Variants in HTT observed in about 807,000 individuals in gnomAD.
The protein encoded by HTT is huntington disease protein.
In HTT, 104 loss-of-function variants were observed where a neutral mutation model predicts 362.3. The ratio of observed to expected loss-of-function variants is 0.29; its 90% CI spans 0.24 to 0.34. The LOEUF is 0.34. Ranked by LOEUF, HTT falls within the 10% of genes least tolerant of loss-of-function variation. The pLI is 1.00. For synonymous variants in HTT, 1,577 were observed against 1,548.7 expected, an observed-to-expected ratio of 1.02 and a Z score of -0.43; for missense variants, 3,301 against 3,928.6, an observed-to-expected ratio of 0.84 and a Z score of 4.27.
chr4:3,235,736 G>A lies in HTT; in HGVS notation c.8743G>A (p.Ala2915Thr). Residue 2915 changes from alanine (A) to threonine (T), a missense_variant, in exon 63 of 67, where the codon GCC becomes ACC. By Grantham distance (58) the Ala-to-Thr change is moderately conservative. Transcript: ENST00000355072. ...AGTGAACGTGCACAGCCCGCACCGG[G>A]CCATGGCGGCTCTGGGCCTGATGCT... Reference protein sequence around the residue: ...DRVNVHSPHRAMAALGLMLTC... With the variant: ...DRVNVHSPHRTMAALGLMLTC... The A allele has an allele frequency of 6.2e-7, 1 of 1,611,856 alleles. No individual in the cohort carries two copies. The highest frequency in any genetic ancestry group is 8.5e-7 in the Non-Finnish European group (1 of 1,180,014).
Position 3,186,622 on chromosome 4 carries a change from T to C in HTT, c.4892T>C (p.Leu1631Pro). The change falls in exon 38 of 67, where the codon CTT becomes CCT. Residue 1631 changes from leucine (L) to proline (P), a missense_variant. By Grantham distance (98) the Leu-to-Pro change is moderately conservative. Transcript: ENST00000355072. ...QQMHIDSHEA[L>P]GVLNTLFEIL... is the part of the protein sequence containing the mutation. ...ATGCACATTGACTCTCATGAAGCCC[T>C]TGGAGTGTTAAATACATTATTTGAG... The C allele has an allele frequency of 5.1e-6, 8 of 1,584,142 alleles. No individual in the cohort carries two copies. The highest frequency in any genetic ancestry group is 6.9e-6 in the Non-Finnish European group (8 of 1,161,112).
chr4:3,156,415 C>T lies in HTT; in HGVS notation c.3626-657C>T, dbSNP rs117214912. 5.4e-4 allele frequency among the ~76,000 whole-genome samples: 82 copies of T among 152,260 alleles called. No homozygotes were observed. The East Asian group carries it at 0.014, about 27-fold the overall frequency. Reference sequence around the variant, plus strand: ...GATTACAGGTGTGAGCCACTGCACCCGGCCTCAAGCGTTTTAAAAGATGCT... The same window carrying T: ...GATTACAGGTGTGAGCCACTGCACCTGGCCTCAAGCGTTTTAAAAGATGCT... On this transcript the variant is annotated intron_variant, in intron 27 of 66. Transcript: ENST00000355072.
Position 3,142,886 on chromosome 4 carries a change from A to T in HTT, c.3066A>T (p.Thr1022=). ...TCACATCAACCACCAGAGCACTCAC[A>T]GTAAGTCTCTTTCTTGATCGGTCTT... ...ELITSTTRAL[T]FGCCEALCLL... Residue 1022 remains threonine (T), a splice_region_variant and synonymous_variant, in exon 23 of 67, where the codon ACA becomes ACT. Coordinates refer to ENST00000355072, the MANE Select transcript of HTT (RefSeq NM_001388492.1). 6.2e-7 allele frequency: 1 copy of T among 1,612,482 alleles called. No individual in the cohort carries two copies. Among genetic ancestry groups the T allele is most frequent in the Non-Finnish European group, 8.5e-7 (1 of 1,178,852 alleles).
intron 40 of HTT, among the ~76,000 whole-genome samples, chr4:3,189,640 C>T (rs191023221): frequency 2.2e-4 from 34 of 152,206 alleles, no homozygotes; most frequent in African/African-American, 7.2e-4. Context: ...GTTATTTTTA[C>T]AAGATGAAGA....
intron 56 of HTT, among the ~76,000 whole-genome samples, chr4:3,224,667 G>A (rs1720827334): frequency 6.6e-6 from 1 of 152,214 alleles, no homozygotes; most frequent in African/African-American, 2.4e-5. Context: ...AGTTGTGTGG[G>A]GATTTGGGAT....
chr4:3,137,873 A>G (rs189929199), intron 21 of HTT, among the ~76,000 whole-genome samples: 11 of 152,260 alleles, frequency 7.2e-5, no homozygotes, highest in Non-Finnish European at 1.6e-4. Context: ...ATAATACCAT[A>G]TTTTATCTAT....
chr4:3,088,467 C>T (rs1304587838), intron 2 of HTT, among the ~76,000 whole-genome samples: 1 of 152,184 alleles, frequency 6.6e-6, no homozygotes, highest in African/African-American at 2.4e-5. Context: ...AGCCACCGCG[C>T]CCGGCCCTCT....
intron 7 of HTT, among the ~76,000 whole-genome samples, chr4:3,115,804 TA>T (rs1326927313): frequency 6.6e-6 from 1 of 152,092 alleles, no homozygotes; most frequent in East Asian, 1.9e-4. Context: ...GTTGTTTGGG[TA>T]ACTGTGGAAA....
At chr4:3,156,308 T>TTTA (rs10651241) in intron 27 of HTT, among the ~76,000 whole-genome samples, 5,644 of 152,240 alleles carry the variant, frequency 0.037, 302 homozygotes, top group African/African-American at 0.12. Flanking sequence ...TTAGTAGAAG[T>TTTA]GGAGTTTCAC....
At chr4:3,123,146 A>G (rs2110179581) in intron 10 of HTT, 1 of 407,478 alleles carries the variant, frequency 2.5e-6, no homozygotes, top group Non-Finnish European at 4.3e-6. Flanking sequence ...TTACTTTCAT[A>G]TCAGAATTGC....
intron 35 of HTT, among the ~76,000 whole-genome samples, chr4:3,179,058 C>T (rs1718375759): frequency 6.6e-6 from 1 of 152,200 alleles, no homozygotes; most frequent in African/African-American, 2.4e-5. Context: ...CTCCCTGACT[C>T]CTTTGCTGGA....
intron 12 of HTT, chr4:3,128,539 C>T (rs1477008846): frequency 6.6e-6 from 1 of 152,142 alleles, no homozygotes; most frequent in Non-Finnish European, 1.5e-5. Context: ...CTATTATAAA[C>T]AGATCTGTGG....
intron 60 of HTT, 89 bp from the exon 61 acceptor site, chr4:3,233,074 A>G (rs1043788265): frequency 1.8e-6 from 2 of 1,082,902 alleles, no homozygotes; most frequent in Non-Finnish European, 2.7e-6. Flanking sequence ...CACAAGCGTG[A>G]GGGCAGCGCC....
rs200289562 is a variant in HTT at position 3,145,212 on chromosome 4, T to G, written c.3127T>G (p.Leu1043Val). The change falls in exon 24 of 67, where the codon TTA becomes GTA. Residue 1043 changes from leucine (L) to valine (V), a missense_variant. Transcript: ENST00000355072. Reference protein sequence around the residue: ...STAFPVCIWSLGWHCGVPPLS... With the variant: ...STAFPVCIWSVGWHCGVPPLS... ...TGCCTTCCCAGTTTGCATTTGGAGT[T>G]TAGGTTGGCACTGTGGGTATGTATT... 199 of 1,612,300 alleles carry G rather than the reference T, an allele frequency of 1.2e-4. No homozygotes were observed. Among genetic ancestry groups the G allele is most frequent in the Non-Finnish European group, 1.5e-4 (177 of 1,178,408 alleles).
At chr4:3,108,740 TG>T (rs752734672) in intron 6 of HTT, among the ~76,000 whole-genome samples, 7 of 152,200 alleles carry the variant, frequency 4.6e-5, no homozygotes, top group Non-Finnish European at 8.8e-5. Context: ...TGCTCATTTA[TG>T]GTTATTCAAA....
In HTT at chr4:3,213,992, C is replaced by G; in HGVS notation, c.6809C>G (p.Pro2270Arg). ...LSWHLIHEQI[P>R]LSLDLQAGLD... ...TGGCATTTGATCCATGAGCAGATCC[C>G]GCTGAGTCTGGATCTCCAGGCAGGG... is the stretch of plus-strand genomic sequence containing the variant. Residue 2270 changes from proline (P) to arginine (R), a missense_variant, in exon 50 of 67, where the codon CCG becomes CGG. By Grantham distance (103) the Pro-to-Arg change is moderately radical (BLOSUM62 -2). Around this residue, in one of 4 missense-constraint regions of HTT, gnomAD observed 220 missense variants for 218.5 expected, o/e 1.01. Transcript: ENST00000355072. 6.3e-7 allele frequency: 1 copy of G among 1,596,244 alleles called. No homozygotes were observed. The highest frequency in any genetic ancestry group is 8.6e-7 in the Non-Finnish European group (1 of 1,169,350).
chr4:3,086,939 A>C lies in HTT; in HGVS notation c.264A>C (p.Pro88=). The C allele has an allele frequency of 1.3e-6, 2 of 1,577,746 alleles. No individual in the cohort carries two copies. Among genetic ancestry groups the C allele is most frequent in the Non-Finnish European group, 8.7e-7 (1 of 1,148,384 alleles). ...ATTTCCTTCTTTTTTTTATTTTTAG[A>C]AAGAAAGAACTTTCAGCTACCAAGA... The part of the protein sequence containing the change: ...PAVAEEPLHR[P]KKELSATKKD... The change falls in exon 2 of 67, where the codon CCA becomes CCC. Residue 88 remains proline, a splice_region_variant and synonymous_variant. Transcript: ENST00000355072.
At chr4:3,221,437 A>G (rs1316831860) in intron 53 of HTT, among the ~76,000 whole-genome samples, 3 of 152,138 alleles carry the variant, frequency 2.0e-5, no homozygotes, top group Non-Finnish European at 2.9e-5. Context: ...GCGTGACCCA[A>G]GACTGTGCCG....
intron 33 of HTT, among the ~76,000 whole-genome samples, chr4:3,176,133 T>C (rs886393377): frequency 3.3e-5 from 5 of 150,680 alleles, no homozygotes; most frequent in African/African-American, 1.2e-4. Flanking sequence ...GTTCACGCCA[T>C]TCTCCTGCCT....
Sources: gnomAD v4.1 joint callset for allele counts (sites outside exome capture counted in the v4.1 genomes callset) on GRCh38, gnomAD v4.1.1 for gene constraint, gnomAD v4.1.1 regional missense constraint, MANE v1.5 for transcripts, NCBI Gene and HGNC (gene_info 2026-07-23, HGNC 2026-07-21) for gene names.